The following TRPM1 variants were observed in gnomAD, a reference collection of about 807,000 sequenced individuals.
TRPM1 encodes transient receptor potential cation channel subfamily M member 1.
TRPM1 carries 113 observed loss-of-function variants against 149.4 expected under a neutral mutation model. The observed-to-expected ratio is 0.76, with a 90% CI of 0.65 to 0.88. The LOEUF (loss-of-function observed/expected upper bound fraction) is 0.88, where lower values mean the gene tolerates loss of function less well. Ranked by LOEUF, TRPM1 falls within the 40% of genes least tolerant of loss-of-function variation. The probability of loss-of-function intolerance (pLI) is 0.00; values close to 1 mark genes in which losing one functional copy is unlikely to be tolerated. For missense variants in TRPM1, 1,976 were observed against 2,038.7 expected (o/e 0.97, Z 0.59); for synonymous variants, 741 against 759.5 (o/e 0.98, Z 0.40).
At chr15:31,146,830 T>C (rs984501581) in intron 1 of TRPM1, among the ~76,000 whole-genome samples, 2 of 152,080 alleles carry the variant, frequency 1.3e-5, no homozygotes, top group African/African-American at 4.8e-5. Flanking sequence ...CTACTAAAAA[T>C]ACAAAAAATT....
intron 1 of TRPM1, among the ~76,000 whole-genome samples, chr15:31,094,360 ACTT>A (rs1427457908): frequency 6.6e-6 from 1 of 152,230 alleles, no homozygotes; most frequent in Non-Finnish European, 1.5e-5. Context: ...GGTAAGTTGA[ACTT>A]CATTAAAATG....
chr15:31,069,883 G>A, intron 4 of TRPM1, 148 bp downstream of exon 4: 2 of 1,599,518 alleles, frequency 1.3e-6, no homozygotes, highest in Non-Finnish European at 1.7e-6. Flanking sequence ...CATGTGCACA[G>A]ATATATCTCT....
At chr15:31,057,724 G>A (rs1394153954) in intron 11 of TRPM1, among the ~76,000 whole-genome samples, 2 of 152,120 alleles carry the variant, frequency 1.3e-5, no homozygotes, top group Admixed American at 1.3e-4. Flanking sequence ...CCTTGATATG[G>A]TTTGGCTCTG....
intron 11 of TRPM1, among the ~76,000 whole-genome samples, chr15:31,054,600 G>A (rs976795545): frequency 4.6e-5 from 7 of 152,156 alleles, no homozygotes; most frequent in South Asian, 2.1e-4. Context: ...TGGCCTCTTC[G>A]TTATGTTTAA....
intron 1 of TRPM1, among the ~76,000 whole-genome samples, chr15:31,088,940 C>T (rs1022118855): frequency 6.6e-6 from 1 of 152,162 alleles, no homozygotes; most frequent in Non-Finnish European, 1.5e-5. Context: ...GTGGAAGCTG[C>T]TGGCGCCTCT....
rs894346945 is a variant in TRPM1 at position 31,002,298 on chromosome 15, T to C, written c.4402A>G (p.Arg1468Gly). ...KSRSFVYSRGRKLVGGVNQDV... is the reference protein window; with the variant it reads ...KSRSFVYSRGGKLVGGVNQDV... ...TGGTTAACCCCACCGACCAGCTTTC[T>C]TCCCCGGGAATAGACGAAGCTTCTG... Residue 1468 changes from arginine to glycine, a missense_variant, in exon 28 of 28, where the codon AGA becomes GGA. Coordinates refer to ENST00000256552, the MANE Select transcript of TRPM1 (RefSeq NM_001252024.2). 3 of 1,614,128 alleles carry C rather than the reference T, an allele frequency of 1.9e-6. No individual in the cohort carries two copies. Among genetic ancestry groups the C allele is most frequent in the Admixed American group, 3.3e-5 (2 of 60,012 alleles).
chr15:31,002,317 G>A lies in TRPM1; in HGVS notation c.4383C>T (p.Ser1461=). The change falls in exon 28 of 28, where the codon AGC becomes AGT. Residue 1461 remains serine (S), a synonymous_variant. Transcript: ENST00000256552. ...GCTTTCTTCCCCGGGAATAGACGAA[G>A]CTTCTGGACTTCATTGTTTTACAAG... is the stretch of plus-strand genomic sequence containing the variant. The part of the protein sequence containing the change: ...INACKTMKSR[S]FVYSRGRKLV... The A allele has an allele frequency of 6.2e-7, 1 of 1,614,208 alleles. No homozygotes were observed. The highest frequency in any genetic ancestry group is 1.3e-5 in the African/African-American group (1 of 75,058).
chr15:31,071,990 T>C (rs1482751184), intron 3 of TRPM1, among the ~76,000 whole-genome samples: 71 of 57,684 alleles, frequency 1.2e-3, no homozygotes, highest in African/African-American at 3.1e-3. Flanking sequence ...CATATATATA[T>C]ATATATATAT....
chr15:31,147,712 G>A (rs186222848), intron 1 of TRPM1, among the ~76,000 whole-genome samples: 132 of 152,336 alleles, frequency 8.7e-4, no homozygotes, highest in African/African-American at 3.1e-3. Context: ...GGTAACTTGC[G>A]TCTTCTCTAG....
At chr15:31,087,262 T>TTTTGATG (rs2035029172) in intron 1 of TRPM1, among the ~76,000 whole-genome samples, 1 of 138,402 alleles carries the variant, frequency 7.2e-6, no homozygotes, top group Non-Finnish European at 1.5e-5. Context: ...TTTTTTTTTT[T>TTTTGATG]GAGACGGAGT....
At position 31,040,574 on chromosome 15, in the gene TRPM1, C is replaced by T. The variant is rs1321705566; in HGVS notation, c.2088-228G>A. ...GGAGGTGGGCTGACTGCTACTGCTG[C>T]AAATGGAGCTGTAGGTTGAGACCAC... On this transcript the variant is annotated intron_variant, in intron 17 of 27. Coordinates refer to ENST00000256552, the MANE Select transcript of TRPM1 (RefSeq NM_001252024.2). The surrounding 1 kb of genome is among the most constrained non-coding windows in gnomAD (Gnocchi z 4.2). Among the ~76,000 whole-genome samples, 1 of 152,224 alleles carries T rather than the reference C, an allele frequency of 6.6e-6. No homozygotes were observed. The highest frequency in any genetic ancestry group is 1.5e-5 in the Non-Finnish European group (1 of 68,040).
intron 16 of TRPM1, among the ~76,000 whole-genome samples, chr15:31,044,798 A>T (rs2033718396): frequency 6.6e-6 from 1 of 151,642 alleles, no homozygotes; most frequent in Non-Finnish European, 1.5e-5. Flanking sequence ...AAAAAAAAAA[A>T]AAAATTGGCA....
At chr15:31,119,873 A>G (rs2035853657) in intron 1 of TRPM1, among the ~76,000 whole-genome samples, 1 of 152,182 alleles carries the variant, frequency 6.6e-6, no homozygotes, top group South Asian at 2.1e-4. Context: ...ATATGGTAAG[A>G]GAAGAGAGAA....
At chr15:31,027,258 T>C in intron 25 of TRPM1, 141 bp from the exon 26 acceptor site, 3 of 751,372 alleles carry the variant, frequency 4.0e-6, no homozygotes, top group Non-Finnish European at 6.5e-6. Context: ...TCCTTGATTA[T>C]CCAATCTTTT....
chr15:31,078,636 T>A (rs372550817), intron 2 of TRPM1, among the ~76,000 whole-genome samples: 4 of 152,182 alleles, frequency 2.6e-5, no homozygotes, highest in East Asian at 3.9e-4. Context: ...AAAGAAAGCA[T>A]GGAGCGGGAG....
intron 1 of TRPM1, among the ~76,000 whole-genome samples, chr15:31,096,066 T>TAGAAA (rs113985996): frequency 9.8e-5 from 14 of 142,370 alleles, no homozygotes; most frequent in Admixed American, 2.1e-4. Flanking sequence ...AAAATAAAAA[T>TAGAAA]AGAAAAGAAA....
At position 31,049,315 on chromosome 15, in the gene TRPM1, A is replaced by G. The variant is rs1347334513; in HGVS notation, c.1572+60T>C. Reference sequence around the variant, plus strand: ...AGCACATTTATGCACAATATGCACCAGTGACAAACACATTTAGGTGGCTGC... The same window carrying G: ...AGCACATTTATGCACAATATGCACCGGTGACAAACACATTTAGGTGGCTGC... On this transcript the variant is annotated intron_variant, in intron 13 of 27. Transcript: ENST00000256552. 2.5e-6 allele frequency: 4 copies of G among 1,611,836 alleles called. No individual in the cohort carries two copies. The African/African-American group carries it at 5.3e-5, about 22-fold the overall frequency.
At chr15:31,048,919 T>C (rs978910731) in intron 13 of TRPM1, among the ~76,000 whole-genome samples, 3 of 152,204 alleles carry the variant, frequency 2.0e-5, no homozygotes, top group Non-Finnish European at 4.4e-5. Context: ...TCAAAACTTA[T>C]ATTGTAATAA....
upstream of TRPM1, among the ~76,000 whole-genome samples, chr15:31,104,837 G>T (rs138216706): frequency 8.6e-5 from 13 of 151,778 alleles, no homozygotes; most frequent in Admixed American, 5.2e-4. Context: ...CTTGTGATCC[G>T]CCCACCCTGG....
Sources: gnomAD v4.1 joint callset for allele counts (sites outside exome capture counted in the v4.1 genomes callset) on GRCh38, gnomAD v4.1.1 for gene constraint, Gnocchi (gnomAD v3.1) non-coding constraint, MANE v1.5 for transcripts, NCBI Gene and HGNC (gene_info 2026-07-23, HGNC 2026-07-21) for gene names.